The following CPSF6 variants were observed in gnomAD, a reference collection of about 807,000 sequenced individuals.
CPSF6 encodes cleavage and polyadenylation specificity factor subunit 6.
In CPSF6, 10 loss-of-function variants were observed where a neutral mutation model predicts 56.7. That is an observed-to-expected ratio of 0.18 (90% CI 0.11 to 0.30). The LOEUF (loss-of-function observed/expected upper bound fraction) is 0.30, where lower values mean the gene tolerates loss of function less well. Ranked by LOEUF, CPSF6 falls within the 10% of genes least tolerant of loss-of-function variation. The pLI is 1.00. For missense variants in CPSF6, 419 were observed against 722.9 expected, an observed-to-expected ratio of 0.58 and a Z score of 4.82; for synonymous variants, 248 against 244.8, an observed-to-expected ratio of 1.01 and a Z score of -0.12.
At chr12:69,259,209 TG>T in intron 6 of CPSF6, 115 bp downstream of exon 6, 1 of 1,288,476 alleles carries the variant, frequency 7.8e-7, no homozygotes, top group Non-Finnish European at 1.0e-6. Flanking sequence ...GAAGATGAGG[TG>T]TTTAAGCTGC....
chr12:69,267,991 T>A (rs1453207251), intron 9 of CPSF6, among the ~76,000 whole-genome samples: 1 of 151,824 alleles, frequency 6.6e-6, no homozygotes, highest in East Asian at 1.9e-4. Flanking sequence ...TAAATAGTTT[T>A]TCCCTCTTAA....
At chr12:69,259,985 T>G in intron 7 of CPSF6, 59 bp from the exon 8 acceptor site, 1 of 1,587,246 alleles carries the variant, frequency 6.3e-7, no homozygotes, top group Non-Finnish European at 8.6e-7. Context: ...CCCAAGTGGT[T>G]TGATGGTGTT....
chr12:69,250,656 T>G lies in CPSF6; in HGVS notation c.61-473T>G, dbSNP rs201220483. On this transcript the variant is annotated intron_variant, in intron 1 of 9. Coordinates refer to ENST00000435070, the MANE Select transcript of CPSF6 (RefSeq NM_007007.3). ...GAAACCCCCTTTTTTTGTTTTTTTG[T>G]TTTTTTTTGAGATGAAGTCTTGCTC... 1.6e-3 allele frequency among the ~76,000 whole-genome samples: 16 copies of G among 9,918 alleles called. No individual in the cohort carries two copies. The East Asian group carries it at 0.024, about 15-fold the overall frequency. 6.5% of individuals were successfully genotyped at this position (9,918 alleles called of 152,430 possible).
chr12:69,254,207 A>G (rs1465428866), intron 3 of CPSF6, among the ~76,000 whole-genome samples: 2 of 152,074 alleles, frequency 1.3e-5, no homozygotes, highest in African/African-American at 2.4e-5. Context: ...CATTCTGCTC[A>G]ATCTTCTCAT....
intron 9 of CPSF6, among the ~76,000 whole-genome samples, chr12:69,263,098 T>A (rs199928746): frequency 0.32 from 9,789 of 30,804 alleles, 623 homozygotes; most frequent in South Asian, 0.51. Context: ...AAAAAAAAAT[T>A]TTTTTTTTTA....
At chr12:69,248,274 G>C (rs142359153) in intron 1 of CPSF6, among the ~76,000 whole-genome samples, 1 of 151,868 alleles carries the variant, frequency 6.6e-6, no homozygotes, top group African/African-American at 2.4e-5. Flanking sequence ...AAGTGAAAGT[G>C]TAAATTTAAA....
In CPSF6 at chr12:69,273,891, C is replaced by T. The variant is rs1873375814; in HGVS notation, c.*4383C>T. On this transcript the variant is annotated 3_prime_UTR_variant, in exon 10 of 10. Coordinates refer to ENST00000435070, the MANE Select transcript of CPSF6 (RefSeq NM_007007.3). Reference sequence around the variant, plus strand: ...TAGTTTACAGCCCTGTACAGCCTTACAAAGTTGTTTTACAATTTTTAATGG... The same window carrying T: ...TAGTTTACAGCCCTGTACAGCCTTATAAAGTTGTTTTACAATTTTTAATGG... 6.6e-6 allele frequency: 1 copy of T among 151,876 alleles called. No homozygotes were observed. Among genetic ancestry groups the T allele is most frequent in the Admixed American group, 6.6e-5 (1 of 15,232 alleles). 9.4% of individuals were successfully genotyped at this position (151,876 alleles called of 1,614,324 possible). A position where few individuals can be genotyped will look rare whatever the true frequency, so the allele number is the denominator to read the frequency against.
In CPSF6 at chr12:69,258,178, T is replaced by G; in HGVS notation, c.694+273T>G. On this transcript the variant is annotated intron_variant, in intron 5 of 9. Transcript: ENST00000435070. The surrounding 1 kb of genome is among the most constrained non-coding windows in gnomAD (Gnocchi z 4.2). ...TTTTTCTCCAAACTTGCTTGACTTA[T>G]ATATAGAATATTTACATCCGTCTTA... 1 of 1,138,022 alleles carries G rather than the reference T, an allele frequency of 8.8e-7. No individual in the cohort carries two copies. Among genetic ancestry groups the G allele is most frequent in the Non-Finnish European group, 1.3e-6 (1 of 796,476 alleles). 70.5% of individuals were successfully genotyped at this position (1,138,022 alleles called of 1,614,324 possible).
At chr12:69,248,366 C>G (rs550618715) in intron 1 of CPSF6, among the ~76,000 whole-genome samples, 44 of 152,222 alleles carry the variant, frequency 2.9e-4, no homozygotes, top group Middle Eastern at 3.4e-3. Flanking sequence ...ATAGTTTCTG[C>G]TGAGGAGGAT....
intron 1 of CPSF6, among the ~76,000 whole-genome samples, chr12:69,243,062 G>A (rs1871708224): frequency 6.6e-6 from 1 of 151,988 alleles, no homozygotes; most frequent in Non-Finnish European, 1.5e-5. Flanking sequence ...AGCCAAGATC[G>A]GGCCACTGCA....
Position 69,262,528 on chromosome 12 carries a change from G to A in CPSF6, c.1625G>A (p.Arg542His), listed in dbSNP as rs759182288. The A allele has an allele frequency of 8.7e-6, 14 of 1,613,882 alleles. No homozygotes were observed. The highest frequency in any genetic ancestry group is 1.2e-5 in the Non-Finnish European group (14 of 1,179,850). The change falls in exon 9 of 10, where the codon CGT (arginine) becomes CAT (histidine). Residue 542 changes from arginine (R) to histidine (H), a missense_variant. Physicochemically the swap from Arg to His is conservative, Grantham distance 29 (BLOSUM62 0). This residue lies in a region of CPSF6 where 81 missense variants were observed against 193.6 expected (regional missense o/e 0.42). Coordinates refer to ENST00000435070, the MANE Select transcript of CPSF6 (RefSeq NM_007007.3). ...CGTGACCGAGACCGTGACCGAGAGC[G>A]TGACCGAGAGCGCGAATATCGTCAT... Reference protein sequence around the residue: ...RDRDRDRDRERDREREYRHR With the variant: ...RDRDRDRDREHDREREYRHR
At chr12:69,266,977 A>G (rs1873019936) in intron 9 of CPSF6, among the ~76,000 whole-genome samples, 1 of 152,098 alleles carries the variant, frequency 6.6e-6, no homozygotes, top group Admixed American at 6.5e-5. Flanking sequence ...TCTAGTCAAC[A>G]CAAGAAGGAA....
At chr12:69,259,981 T>C (rs575566195) in intron 7 of CPSF6, 63 bp from the exon 8 acceptor site, 22 of 1,563,118 alleles carry the variant, frequency 1.4e-5, no homozygotes, top group Middle Eastern at 3.4e-4. Flanking sequence ...TTATCCCAAG[T>C]GGTTTGATGG....
intron 9 of CPSF6, among the ~76,000 whole-genome samples, chr12:69,266,027 GAAAA>G (rs10556524): frequency 0.53 from 70,696 of 132,710 alleles, 17,010 homozygotes; most frequent in African/African-American, 0.56. Flanking sequence ...TGTTAATTTT[GAAAA>G]AAAAAAAAAA....
Position 69,239,606 on chromosome 12 carries a change from C to CAGG in CPSF6, c.-37_-35dup. 1.3e-6 allele frequency: 2 copies of CAGG among 1,536,490 alleles called. No individual in the cohort carries two copies. Among genetic ancestry groups the CAGG allele is most frequent in the Non-Finnish European group, 8.7e-7 (1 of 1,144,322 alleles). ...GCTGCTGCCGCGGCGGGCAGACCTGCAGGAGGCGGCGGCGGCGGCGGCGGC... is the reference window on the plus strand; with the variant it reads ...GCTGCTGCCGCGGCGGGCAGACCTGCAGGAGGAGGCGGCGGCGGCGGCGGCGGC... On this transcript the variant is annotated 5_prime_UTR_variant, in exon 1 of 10. Transcript: ENST00000435070.
chr12:69,257,593 A>G (rs1592803962), intron 4 of CPSF6, 139 bp from the exon 5 acceptor site: 1 of 701,334 alleles, frequency 1.4e-6, no homozygotes, highest in Non-Finnish European at 2.3e-6. Context: ...CCTAAACCAT[A>G]CTTTCTTATG....
chr12:69,249,161 G>GGA (rs1565644091), intron 1 of CPSF6, among the ~76,000 whole-genome samples: 1 of 72,664 alleles, frequency 1.4e-5, no homozygotes, highest in African/African-American at 4.8e-5. Context: ...TCGGGGGGGG[G>GGA]GGGGGGGGCT....
At chr12:69,265,164 A>G (rs997475420) in intron 9 of CPSF6, among the ~76,000 whole-genome samples, 2 of 152,184 alleles carry the variant, frequency 1.3e-5, no homozygotes, top group African/African-American at 4.8e-5. Context: ...AAAGTATTCA[A>G]TATCTAAGTT....
At position 69,272,352 on chromosome 12, in the gene CPSF6, C is replaced by T. The variant is rs1362432473; in HGVS notation, c.*2844C>T. On this transcript the variant is annotated 3_prime_UTR_variant, in exon 10 of 10. Transcript: ENST00000435070. The stretch of plus-strand genomic sequence containing the variant: ...GTGGAGAATATTGCTTTATTTTTTA[C>T]TAGTTTCAGGTCAGTTATTAAAATA... 3.3e-5 allele frequency: 5 copies of T among 151,430 alleles called. No homozygotes were observed. In the East Asian group the frequency reaches 9.6e-4, roughly 29 times the overall value. The allele number at this position is 151,430 out of a possible 1,614,324, so 9.4% of individuals were successfully genotyped here.
Sources: allele counts gnomAD v4.1 joint callset (sites outside exome capture counted in the v4.1 genomes callset), GRCh38; gene constraint gnomAD v4.1.1; regional missense constraint gnomAD v4.1.1; non-coding constraint Gnocchi (gnomAD v3.1); transcripts MANE v1.5; gene names NCBI Gene and HGNC (gene_info 2026-07-23, HGNC 2026-07-21).